The following SBF1 variants were observed in gnomAD, a reference collection of about 807,000 sequenced individuals.
The protein encoded by SBF1 is SET binding factor 1, also known as myotubularin-related protein 5.
SBF1 carries 65 observed loss-of-function variants against 215.8 expected under a neutral mutation model. The observed-to-expected ratio is 0.30, with a 90% CI of 0.25 to 0.37. The LOEUF is 0.37. SBF1 is among the 10% of genes least tolerant of loss of function. The probability of loss-of-function intolerance (pLI) is 1.00; values close to 1 mark genes in which losing one functional copy is unlikely to be tolerated. For missense variants in SBF1, 2,634 were observed against 2,667.8 expected, an observed-to-expected ratio of 0.99 and a Z score of 0.28; for synonymous variants, 1,410 against 1,122.8, an observed-to-expected ratio of 1.26 and a Z score of -5.11.
rs775760879 is a variant in SBF1 at position 50,456,613 on chromosome 22, G to A, written c.3965C>T (p.Ser1322Phe). 4 of 1,525,320 alleles carry A rather than the reference G, an allele frequency of 2.6e-6. No individual in the cohort carries two copies. The highest frequency in any genetic ancestry group is 3.5e-6 in the Non-Finnish European group (4 of 1,138,774). The allele number at this position is 1,525,320 out of a possible 1,614,324, so 94.5% of individuals were successfully genotyped here. The change falls in exon 30 of 41, where the codon TCC becomes TTC. Residue 1322 changes from serine to phenylalanine, a missense_variant. Coordinates refer to ENST00000380817, the MANE Select transcript of SBF1 (RefSeq NM_002972.4). ...CAGCGCGTCTCTGCCAGCTAGCCGG[G>A]AGCCCACATCGGTGCCAAGGCCACT... ...RSSGLGTDVG[S>F]RLAGRDALAP... is the part of the protein sequence containing the mutation.
intron 36 of SBF1, among the ~76,000 whole-genome samples, chr22:50,454,239 G>A (rs1324686011): frequency 6.6e-6 from 1 of 152,222 alleles, no homozygotes; most frequent in Non-Finnish European, 1.5e-5. Flanking sequence ...CGTGCTCAGA[G>A]TGGAGGCTGT....
At chr22:50,447,756 G>A (rs2066890707) in intron 38 of SBF1, 147 bp from the exon 39 acceptor site, 3 of 619,018 alleles carry the variant, frequency 4.8e-6, no homozygotes, top group East Asian at 2.8e-5. Flanking sequence ...CAGAGCACTG[G>A]CCAGGGGGCC....
At chr22:50,458,038 G>A (rs1478877903) in intron 28 of SBF1, among the ~76,000 whole-genome samples, 1 of 152,324 alleles carries the variant, frequency 6.6e-6, no homozygotes, top group African/African-American at 2.4e-5. Context: ...AGTGGCTCAC[G>A]CCTGTAATCC....
In SBF1 at chr22:50,459,391, G is replaced by A. The variant is rs1340995307; in HGVS notation, c.3690C>T (p.Gly1230=). 1.2e-6 allele frequency: 2 copies of A among 1,612,262 alleles called. No individual in the cohort carries two copies. Among genetic ancestry groups the A allele is most frequent in the South Asian group, 2.2e-5 (2 of 91,054 alleles). ...LFKAQNAPSP[G]QSQADSSSLE... Reference sequence around the variant, plus strand: ...GGCTACTCGAGTCCGCCTGGGACTGGCCTGGGGGAGGACACGGAGCTGAGG... The same window carrying A: ...GGCTACTCGAGTCCGCCTGGGACTGACCTGGGGGAGGACACGGAGCTGAGG... Residue 1230 remains glycine (G), a splice_region_variant and synonymous_variant, in exon 28 of 41, where the codon GGC becomes GGT. Transcript: ENST00000380817.
chr22:50,448,607 C>G lies in SBF1; in HGVS notation c.5087G>C (p.Arg1696Pro), dbSNP rs1467543994. The change falls in exon 37 of 41, where the codon CGC (arginine) becomes CCC (proline). Residue 1696 changes from arginine to proline, a missense_variant. Arg to Pro is a moderately radical substitution (Grantham distance 103, BLOSUM62 -2). Coordinates refer to ENST00000380817, the MANE Select transcript of SBF1 (RefSeq NM_002972.4). Reference sequence around the variant, plus strand: ...CACCCGGTCCCAGGTGTCCTTCCAGCGCTCAGCGGGTTGGCCCAACTCTGT... The same window carrying G: ...CACCCGGTCCCAGGTGTCCTTCCAGGGCTCAGCGGGTTGGCCCAACTCTGT... ...LETELGQPAE[R>P]WKDTWDRVKA... The G allele has an allele frequency of 6.2e-7, 1 of 1,611,900 alleles. No individual in the cohort carries two copies. Among genetic ancestry groups the G allele is most frequent in the Non-Finnish European group, 8.5e-7 (1 of 1,180,024 alleles).
At chr22:50,473,879 C>T (rs747758005) in intron 1 of SBF1, among the ~76,000 whole-genome samples, 7 of 152,208 alleles carry the variant, frequency 4.6e-5, no homozygotes, top group African/African-American at 7.2e-5. Context: ...CTTATCCGCG[C>T]CTAACTTCTC....
At position 50,463,361 on chromosome 22, in the gene SBF1, C is replaced by G. The variant is rs772347081; in HGVS notation, c.1821G>C (p.Leu607=). 9 of 1,609,866 alleles carry G rather than the reference C, an allele frequency of 5.6e-6. No individual in the cohort carries two copies. The highest frequency in any genetic ancestry group is 7.6e-6 in the Non-Finnish European group (9 of 1,178,130). The change falls in exon 16 of 41, where the codon CTG becomes CTC. Residue 607 remains leucine, a synonymous_variant. Coordinates refer to ENST00000380817, the MANE Select transcript of SBF1 (RefSeq NM_002972.4). ...GGACCGCACGGTTCTGCTGCACATG[C>G]AGGTGCAGCTCCTGGGCGAGGCAGC... ...ARRCLAQELH[L]HVQQNRAVLD...
Position 50,456,415 on chromosome 22 carries a change from G to C in SBF1, c.4087-20C>G. 6.2e-7 allele frequency: 1 copy of C among 1,609,328 alleles called. No individual in the cohort carries two copies. The highest frequency in any genetic ancestry group is 8.5e-7 in the Non-Finnish European group (1 of 1,178,954). ...CACACCCTGAAAAGAATCCGGACAA[G>C]TCCCGTGAGACACATGAGGCCCCAA... On this transcript the variant is annotated intron_variant, in intron 30 of 40. Transcript: ENST00000380817.
At chr22:50,450,865 C>T (rs1312289388) in intron 36 of SBF1, among the ~76,000 whole-genome samples, 2 of 152,024 alleles carry the variant, frequency 1.3e-5, no homozygotes, top group African/African-American at 2.4e-5. Flanking sequence ...CCCAGCACTT[C>T]GGGAGGCCGA....
intron 1 of SBF1, 134 bp from the exon 2 acceptor site, chr22:50,468,595 A>C: frequency 3.3e-6 from 2 of 599,994 alleles, no homozygotes; most frequent in Admixed American, 3.2e-5. Context: ...CTCCCTAAAA[A>C]TAGCTCCGTA....
Position 50,448,313 on chromosome 22 carries a change from G to A in SBF1, c.5283C>T (p.Thr1761=), listed in dbSNP as rs1328866958. 3 of 1,613,660 alleles carry A rather than the reference G, an allele frequency of 1.9e-6. No individual in the cohort carries two copies. The highest frequency in any genetic ancestry group is 2.2e-5 in the East Asian group (1 of 44,884). Residue 1761 remains threonine (T), a synonymous_variant, in exon 38 of 41, where the codon ACC becomes ACT. Transcript: ENST00000380817. ...SLDSDQSSGS[T]TSGSRQAARR... ...GGGCAGCCTGACGGGAGCCGGATGT[G>A]GTTGAGCCACTACTCTGGTCGCTGT... is the stretch of plus-strand genomic sequence containing the variant.
intron 36 of SBF1, 80 bp from the exon 37 acceptor site, chr22:50,448,730 G>A: frequency 8.5e-7 from 1 of 1,176,834 alleles, no homozygotes; most frequent in South Asian, 1.3e-5. Context: ...GAAAACACAG[G>A]AAAGAGACAC....
In SBF1 at chr22:50,459,363, C is replaced by G. The variant is rs2067400348; in HGVS notation, c.3718G>C (p.Glu1240Gln). ...GQSQADSSSL[E>Q]QEKYLQAVVS... ...ACAGCCTGCAGGTACTTCTCCTGCT[C>G]CAGGCTACTCGAGTCCGCCTGGGAC... The change falls in exon 28 of 41, where the codon GAG becomes CAG. Residue 1240 changes from glutamate (E) to glutamine (Q), a missense_variant. Coordinates refer to ENST00000380817, the MANE Select transcript of SBF1 (RefSeq NM_002972.4). 1 of 1,612,508 alleles carries G rather than the reference C, an allele frequency of 6.2e-7. No individual in the cohort carries two copies. Among genetic ancestry groups the G allele is most frequent in the East Asian group, 2.2e-5 (1 of 44,840 alleles).
intron 31 of SBF1, chr22:50,455,843 G>T: frequency 1.9e-6 from 1 of 515,244 alleles, no homozygotes. Context: ...TCAAGATGCC[G>T]GTGGCCCTAC....
At chr22:50,468,337 C>A in intron 2 of SBF1, 39 bp downstream of exon 2, 1 of 1,591,798 alleles carries the variant, frequency 6.3e-7, no homozygotes, top group Non-Finnish European at 8.6e-7. Context: ...ACCTGCCCTC[C>A]CCACCTGCCA....
rs370152277 is a variant in SBF1, at chr22:50,454,844, G to C, written c.4782C>G (p.His1594Gln). The stretch of plus-strand genomic sequence containing the variant: ...CGTCCTCGGGCGCATACATGTAATT[G>C]TGGAACACAGGCGTCCTCTTGCTCA... ...DRLSKRTPVF[H>Q]NYMYAPEDAE... Residue 1594 changes from histidine to glutamine, a missense_variant, in exon 35 of 41, where the codon CAC becomes CAG. Physicochemically the swap from His to Gln is conservative, Grantham distance 24. Coordinates refer to ENST00000380817, the MANE Select transcript of SBF1 (RefSeq NM_002972.4). The C allele has an allele frequency of 2.4e-5, 38 of 1,613,932 alleles. No individual in the cohort carries two copies. The highest frequency in any genetic ancestry group is 3.1e-5 in the Non-Finnish European group (37 of 1,180,004).
intron 5 of SBF1, 183 bp downstream of exon 5, chr22:50,467,155 A>C (rs1276891222): frequency 1.6e-6 from 1 of 607,204 alleles, no homozygotes; most frequent in East Asian, 2.7e-5. Flanking sequence ...ACAGGCCCAG[A>C]GCACAGGTGC....
chr22:50,461,443 A>G, intron 22 of SBF1, 80 bp downstream of exon 22: 1 of 1,501,186 alleles, frequency 6.7e-7, no homozygotes, highest in Non-Finnish European at 8.9e-7. Context: ...GAGAAAAGGG[A>G]GAGGGAGGCA....
Position 50,454,891 on chromosome 22 carries a change from C to T in SBF1, c.4735G>A (p.Val1579Met). 3.7e-6 allele frequency: 6 copies of T among 1,614,118 alleles called. No individual in the cohort carries two copies. The highest frequency in any genetic ancestry group is 5.1e-6 in the Non-Finnish European group (6 of 1,180,018). Residue 1579 changes from valine (V) to methionine (M), a missense_variant, in exon 35 of 41, where the codon GTG becomes ATG. Physicochemically the swap from Val to Met is conservative, Grantham distance 21. Coordinates refer to ENST00000380817, the MANE Select transcript of SBF1 (RefSeq NM_002972.4). ...CTCAGCCGGTCCACATACTCCCACA[C>T]AGACCTGCACGGCACCTGGCCCCTG... Reference protein sequence around the residue: ...ERRGQVPCRSVWEYVDRLSKR... With the variant: ...ERRGQVPCRSMWEYVDRLSKR...
Sources: allele counts gnomAD v4.1 joint callset (sites outside exome capture counted in the v4.1 genomes callset), GRCh38; gene constraint gnomAD v4.1.1; transcripts MANE v1.5; gene names NCBI Gene and HGNC (gene_info 2026-07-23, HGNC 2026-07-21).